The following BCKDHA variants were observed in gnomAD, a reference collection of about 807,000 sequenced individuals.
BCKDHA encodes the protein 2-oxoisovalerate dehydrogenase subunit alpha, mitochondrial.
Under a neutral mutation model 52.2 loss-of-function variants are expected in BCKDHA, and 43 were observed. The observed-to-expected ratio is 0.82, with a 90% confidence interval of 0.64 to 1.06. The LOEUF is 1.06. Ranked by LOEUF, BCKDHA falls within the 50% of genes least tolerant of loss-of-function variation. BCKDHA has a pLI of 0.00. For synonymous variants in BCKDHA, 234 were observed against 247.9 expected, an observed-to-expected ratio of 0.94 and a Z score of 0.53; for missense variants, 527 against 621.3, an observed-to-expected ratio of 0.85 and a Z score of 1.61.
In BCKDHA at chr19:41,424,904, G is replaced by A; in HGVS notation, c.*296G>A. ...CATTCAGGACTAGAAGCCCCTCTGGGCATGGGGTGGACATGGCAGGTCAGC... is the reference window on the plus strand; with the variant it reads ...CATTCAGGACTAGAAGCCCCTCTGGACATGGGGTGGACATGGCAGGTCAGC... On this transcript the variant is annotated 3_prime_UTR_variant, in exon 9 of 9. Transcript: ENST00000269980. The A allele has an allele frequency of 2.8e-6, 1 of 353,704 alleles. No homozygotes were observed. Among genetic ancestry groups the A allele is most frequent in the South Asian group, 5.0e-5 (1 of 19,936 alleles). The allele number at this position is 353,704 out of a possible 1,614,324, so 21.9% of individuals were successfully genotyped here.
intron 3 of BCKDHA, among the ~76,000 whole-genome samples, chr19:41,413,609 G>A (rs1009248319): frequency 6.6e-6 from 1 of 152,142 alleles, no homozygotes; most frequent in Non-Finnish European, 1.5e-5. Flanking sequence ...GAAGACTGTC[G>A]GCAGGTTACC....
chr19:41,405,195 C>T (rs192434880), intron 1 of BCKDHA, among the ~76,000 whole-genome samples: 1 of 152,184 alleles, frequency 6.6e-6, no homozygotes, highest in African/African-American at 2.4e-5. Context: ...CAGGTCAACT[C>T]GGTTAATCCT....
rs779574099 is a variant in BCKDHA at position 41,414,123 on chromosome 19, C to A, written c.450C>A (p.Asn150Lys). ...TGGGGAGTGCCGCCGCCCTGGACAA[C>A]ACGGACCTGGTGTTTGGCCAGTACC... ...THVGSAAALDNTDLVFGQYRE... is the reference protein window; with the variant it reads ...THVGSAAALDKTDLVFGQYRE... Residue 150 changes from asparagine to lysine, a missense_variant, in exon 4 of 9, where the codon AAC (asparagine) becomes AAA (lysine). By Grantham distance (94) the Asn-to-Lys change is moderately conservative. Coordinates refer to ENST00000269980, the MANE Select transcript of BCKDHA (RefSeq NM_000709.4). 1 of 1,613,726 alleles carries A rather than the reference C, an allele frequency of 6.2e-7. No homozygotes were observed.
At chr19:41,406,321 T>C (rs2039192380) in intron 1 of BCKDHA, among the ~76,000 whole-genome samples, 2 of 152,200 alleles carry the variant, frequency 1.3e-5, no homozygotes, top group Non-Finnish European at 2.9e-5. Context: ...GACTTCAGCC[T>C]TCGGTCCTCT....
In BCKDHA at chr19:41,419,158, C is replaced by T. The variant is rs34956071; in HGVS notation, c.508C>T (p.Pro170Ser). The T allele has an allele frequency of 2.5e-5, 41 of 1,614,212 alleles. No individual in the cohort carries two copies. Among genetic ancestry groups the T allele is most frequent in the Middle Eastern group, 1.6e-4 (1 of 6,062 alleles). The change falls in exon 5 of 9, where the codon CCC becomes TCC. Residue 170 changes from proline to serine, a missense_variant. Physicochemically the swap from Pro to Ser is moderately conservative, Grantham distance 74. Transcript: ENST00000269980. Reference sequence around the variant, plus strand: ...AGGTGTGCTGATGTATCGGGACTACCCCCTGGAACTATTCATGGCCCAGTG... The same window carrying T: ...AGGTGTGCTGATGTATCGGGACTACTCCCTGGAACTATTCATGGCCCAGTG... ...EAGVLMYRDY[P>S]LELFMAQCYG...
At position 41,424,580 on chromosome 19, in the gene BCKDHA, A is replaced by G. The variant is rs781400345; in HGVS notation, c.1310A>G (p.His437Arg). The G allele has an allele frequency of 2.5e-6, 4 of 1,612,064 alleles. No individual in the cohort carries two copies. In the East Asian group the frequency reaches 8.9e-5, roughly 36 times the overall value. Residue 437 changes from histidine to arginine, a missense_variant, in exon 9 of 9, where the codon CAC becomes CGC. Physicochemically the swap from His to Arg is conservative, Grantham distance 29. Transcript: ENST00000269980. ...LARHLQTYGE[H>R]YPLDHFDK ...CGCCACCTGCAGACCTACGGGGAGC[A>G]CTACCCACTGGATCACTTCGATAAG...
chr19:41,416,156 C>G (rs540727695), intron 4 of BCKDHA, among the ~76,000 whole-genome samples: 3 of 152,186 alleles, frequency 2.0e-5, no homozygotes, highest in South Asian at 4.1e-4. Flanking sequence ...GTTGGTCAGG[C>G]TGGTTTCAAA....
Position 41,410,745 on chromosome 19 carries a change from A to G in BCKDHA, c.217A>G (p.Ile73Val), listed in dbSNP as rs775424394. ...DKLEFIQPNVISGIPIYRVMD... is the reference protein window; with the variant it reads ...DKLEFIQPNVVSGIPIYRVMD... Reference sequence around the variant, plus strand: ...GTTGGAATTCATCCAGCCCAACGTCATCTCTGGAATCCCCATCTACCGCGT... The same window carrying G: ...GTTGGAATTCATCCAGCCCAACGTCGTCTCTGGAATCCCCATCTACCGCGT... Residue 73 changes from isoleucine to valine, a missense_variant, in exon 2 of 9, where the codon ATC (isoleucine) becomes GTC (valine). Ile to Val is a conservative substitution (Grantham distance 29). Coordinates refer to ENST00000269980, the MANE Select transcript of BCKDHA (RefSeq NM_000709.4). 1.2e-6 allele frequency: 2 copies of G among 1,614,008 alleles called. No homozygotes were observed. The highest frequency in any genetic ancestry group is 1.1e-5 in the South Asian group (1 of 91,088).
intron 1 of BCKDHA, among the ~76,000 whole-genome samples, chr19:41,407,793 G>A (rs2039209168): frequency 6.6e-6 from 1 of 152,148 alleles, no homozygotes; most frequent in African/African-American, 2.4e-5. Flanking sequence ...AACATCTGTG[G>A]GAAGTGAAGC....
chr19:41,424,693 A>C lies in BCKDHA; in HGVS notation c.*85A>C. 2.1e-6 allele frequency: 3 copies of C among 1,428,472 alleles called. No individual in the cohort carries two copies. The highest frequency in any genetic ancestry group is 2.8e-6 in the Non-Finnish European group (3 of 1,054,174). 88.5% of individuals were successfully genotyped at this position (1,428,472 alleles called of 1,614,324 possible). ...GGGGAGCAGGGGGACCTGACAGCAC[A>C]CCACTGTCTTCCCCAGTCAGCTCCC... On this transcript the variant is annotated 3_prime_UTR_variant, in exon 9 of 9. Coordinates refer to ENST00000269980, the MANE Select transcript of BCKDHA (RefSeq NM_000709.4).
intron 1 of BCKDHA, among the ~76,000 whole-genome samples, chr19:41,408,750 T>C (rs1474336573): frequency 2.0e-5 from 3 of 152,088 alleles, no homozygotes. Flanking sequence ...TCCAAGTAGC[T>C]GGGACTATAG....
At chr19:41,414,466 G>A (rs1215766241) in intron 4 of BCKDHA, among the ~76,000 whole-genome samples, 3 of 152,110 alleles carry the variant, frequency 2.0e-5, no homozygotes, top group Non-Finnish European at 4.4e-5. Context: ...GGATTATGAC[G>A]GTACCTGCAT....
At chr19:41,406,074 G>A (rs941174385) in intron 1 of BCKDHA, among the ~76,000 whole-genome samples, 3 of 152,092 alleles carry the variant, frequency 2.0e-5, no homozygotes, top group Admixed American at 6.6e-5. Context: ...CAGGCACAGC[G>A]TGGAGCCCTT....
In BCKDHA at chr19:41,401,435, C is replaced by G. The variant is rs11880951; in HGVS notation, c.108+3500C>G. 2.2e-3 allele frequency among the ~76,000 whole-genome samples: 334 copies of G among 152,246 alleles called. 2 individuals are homozygous for G. The highest frequency in any genetic ancestry group is 7.7e-3 in the African/African-American group (321 of 41,536). On this transcript the variant is annotated intron_variant, in intron 1 of 8. Transcript: ENST00000269980. ...AAATAGTCAGGGAAAGGTTGAGAGG[C>G]TGCATATTGTAGACAGATTGGATTA...
In BCKDHA at chr19:41,410,791, T is replaced by C. The variant is rs1160232472; in HGVS notation, c.263T>C (p.Ile88Thr). The change falls in exon 2 of 9, where the codon ATC becomes ACC. Residue 88 changes from isoleucine (I) to threonine (T), a missense_variant. Coordinates refer to ENST00000269980, the MANE Select transcript of BCKDHA (RefSeq NM_000709.4). The part of the protein sequence containing the change: ...IYRVMDRQGQ[I>T]INPSEDPHLP... Reference sequence around the variant, plus strand: ...CGCGTCATGGACCGGCAAGGCCAGATCATCAACCCCAGCGAGGACCCCCAC... The same window carrying C: ...CGCGTCATGGACCGGCAAGGCCAGACCATCAACCCCAGCGAGGACCCCCAC... 1.2e-6 allele frequency: 2 copies of C among 1,614,094 alleles called. No homozygotes were observed.
chr19:41,423,103 T>G lies in BCKDHA; in HGVS notation c.1101T>G (p.Tyr367Ter). 1 of 1,568,108 alleles carries G rather than the reference T, an allele frequency of 6.4e-7. No individual in the cohort carries two copies. The highest frequency in any genetic ancestry group is 1.2e-5 in the South Asian group (1 of 85,446). The change falls in exon 8 of 9, where the codon TAT (tyrosine) becomes TAG (stop). Residue 367 changes from tyrosine to a stop codon, truncating the protein, a stop_gained. Coordinates refer to ENST00000269980, the MANE Select transcript of BCKDHA (RefSeq NM_000709.4). LOFTEE classifies it high-confidence loss of function. ...QDHPISRLRH[Y>*]LLSQGWWDEE... is the part of the protein sequence containing the mutation. ...ACCCCATCTCCCGGCTGCGGCACTA[T>G]CTGCTGAGCCAAGGCTGGTGGGATG... is the stretch of plus-strand genomic sequence containing the variant.
chr19:41,424,714 C>A lies in BCKDHA; in HGVS notation c.*106C>A. 1 of 1,321,508 alleles carries A rather than the reference C, an allele frequency of 7.6e-7. No individual in the cohort carries two copies. Among genetic ancestry groups the A allele is most frequent in the Non-Finnish European group, 1.0e-6 (1 of 971,866 alleles). 81.9% of individuals were successfully genotyped at this position (1,321,508 alleles called of 1,614,324 possible). On this transcript the variant is annotated 3_prime_UTR_variant, in exon 9 of 9. Transcript: ENST00000269980. ...GCACACCACTGTCTTCCCCAGTCAG[C>A]TCCCTCTAAAATACTCAGCGGCCAG...
chr19:41,423,082 C>T lies in BCKDHA; in HGVS notation c.1080C>T (p.Pro360=), dbSNP rs373390136. 7.3e-5 allele frequency: 115 copies of T among 1,582,048 alleles called. No homozygotes were observed. Among genetic ancestry groups the T allele is most frequent in the Non-Finnish European group, 9.5e-5 (110 of 1,163,972 alleles). ...EVNYWDKQDH[P]ISRLRHYLLS... ...ATTACTGGGATAAACAGGACCACCC[C>T]ATCTCCCGGCTGCGGCACTATCTGC... Residue 360 remains proline (P), a synonymous_variant, in exon 8 of 9, where the codon CCC becomes CCT. Coordinates refer to ENST00000269980, the MANE Select transcript of BCKDHA (RefSeq NM_000709.4).
At chr19:41,400,501 A>G (rs1188089731) in intron 1 of BCKDHA, 1 of 151,410 alleles carries the variant, frequency 6.6e-6, no homozygotes. Flanking sequence ...CGGCCTCCCA[A>G]AGTGCTGGGA....
Sources: gnomAD v4.1 joint callset for allele counts (sites outside exome capture counted in the v4.1 genomes callset) on GRCh38, gnomAD v4.1.1 for gene constraint, MANE v1.5 for transcripts, NCBI Gene and HGNC (gene_info 2026-07-23, HGNC 2026-07-21) for gene names.